Variants in TAGLN observed in about 807,000 individuals in gnomAD.
The protein encoded by TAGLN is transgelin, also known as 22 kDa actin-binding protein.
In TAGLN, 16 loss-of-function variants were observed where a neutral mutation model predicts 21.9. The observed-to-expected ratio is 0.73, with a 90% CI of 0.49 to 1.11. The LOEUF (loss-of-function observed/expected upper bound fraction) is 1.11. Ranked by LOEUF, TAGLN falls within the 50% of genes least tolerant of loss-of-function variation. The pLI is 0.00. For missense variants in TAGLN, 248 were observed against 263.2 expected (o/e 0.94, Z 0.40); for synonymous variants, 96 against 94.9 (o/e 1.01, Z -0.06).
In TAGLN at chr11:117,203,363, G is replaced by A. The variant is rs772948498; in HGVS notation, c.237G>A (p.Val79=). ...LYPDGSKPVK[V]PENPPSMVFK... is the part of the protein sequence containing the mutation. ...CTGATGGCTCCAAGCCGGTGAAGGTGCCCGAGAACCCACCCTCCATGGTCT... is the reference window on the plus strand; with the variant it reads ...CTGATGGCTCCAAGCCGGTGAAGGTACCCGAGAACCCACCCTCCATGGTCT... Residue 79 remains valine (V), a synonymous_variant, in exon 3 of 5, where the codon GTG becomes GTA. Coordinates refer to ENST00000392951, the MANE Select transcript of TAGLN (RefSeq NM_003186.5). This position sits in a 1 kb window ranked among gnomAD's most constrained non-coding sequence, Gnocchi z 4.4. The A allele has an allele frequency of 9.3e-6, 15 of 1,614,064 alleles. No homozygotes were observed. In the South Asian group the frequency reaches 1.6e-4, roughly 18 times the overall value.
At position 117,204,957 on chromosome 11, in the gene TAGLN, A is replaced by G; in HGVS notation, c.*598A>G. The G allele has an allele frequency of 5.0e-6, 1 of 200,322 alleles. No homozygotes were observed. The highest frequency in any genetic ancestry group is 1.0e-5 in the Non-Finnish European group (1 of 95,364). 12.4% of individuals were successfully genotyped at this position (200,322 alleles called of 1,614,324 possible). A position where few individuals can be genotyped will look rare whatever the true frequency, so the allele number is the denominator to read the frequency against. The stretch of plus-strand genomic sequence containing the variant: ...AGGACAGTCAGATTCTTTCAGAGGA[A>G]ACAGGCCATAGAACAGGAGAGTGAA... On this transcript the variant is annotated 3_prime_UTR_variant, in exon 5 of 5. Coordinates refer to ENST00000392951, the MANE Select transcript of TAGLN (RefSeq NM_003186.5).
rs2031349152 is a variant in TAGLN at position 117,206,014 on chromosome 11, C to A, written c.*1655C>A. 6 of 1,208,916 alleles carry A rather than the reference C, an allele frequency of 5.0e-6. No individual in the cohort carries two copies. The highest frequency in any genetic ancestry group is 5.8e-6 in the Non-Finnish European group (5 of 865,568). 74.9% of individuals were successfully genotyped at this position (1,208,916 alleles called of 1,614,324 possible). On this transcript the variant is annotated 3_prime_UTR_variant, in exon 5 of 5. Coordinates refer to ENST00000392951, the MANE Select transcript of TAGLN (RefSeq NM_003186.5). ...CCCTGAGGTCAGCAGATCTGCTCCT[C>A]CTTCCCGTGCGGTACGTCTAGGTGC...
At chr11:117,202,963 A>G in intron 1 of TAGLN, 39 bp from the exon 2 acceptor site, 1 of 1,510,006 alleles carries the variant, frequency 6.6e-7, no homozygotes. Flanking sequence ...CTGCTCCCTG[A>G]CCCTCTGCCC....
chr11:117,203,889 G>T lies in TAGLN; in HGVS notation c.461+5G>T. ...AGATCCCAACTGGTTTATGAAGTAT[G>T]TGGCCCCCAGGGAGCTTGGGTCTCC... is the stretch of plus-strand genomic sequence containing the variant. On this transcript the variant is annotated splice_donor_5th_base_variant and intron_variant, in intron 4 of 4. Coordinates refer to ENST00000392951, the MANE Select transcript of TAGLN (RefSeq NM_003186.5). This position sits in a 1 kb window ranked among gnomAD's most constrained non-coding sequence, Gnocchi z 4.4. 6.2e-7 allele frequency: 1 copy of T among 1,612,858 alleles called. No individual in the cohort carries two copies.
intron 1 of TAGLN, among the ~76,000 whole-genome samples, chr11:117,200,815 AG>A (rs2031062367): frequency 6.6e-6 from 1 of 152,066 alleles, no homozygotes; most frequent in African/African-American, 2.4e-5. Flanking sequence ...AGCTGGGGGT[AG>A]GGGACACACT....
intron 4 of TAGLN, 53 bp from the exon 5 acceptor site, chr11:117,204,162 G>A: frequency 1.2e-6 from 2 of 1,609,582 alleles, no homozygotes; most frequent in Non-Finnish European, 1.7e-6. Context: ...TCAGAAAACG[G>A]GTGGAAAACA....
rs1376280991 is a variant in TAGLN, at chr11:117,205,752, G to C, written c.*1393G>C. ...GATGGAGGCCAAACCAAAGGGGGGC[G>C]CCAATCCCCTGTCCAACACCTTCTC... On this transcript the variant is annotated 3_prime_UTR_variant, in exon 5 of 5. Transcript: ENST00000392951. The C allele has an allele frequency of 2.5e-6, 1 of 397,360 alleles. No individual in the cohort carries two copies. The highest frequency in any genetic ancestry group is 2.0e-5 in the African/African-American group (1 of 48,920). The allele number at this position is 397,360 out of a possible 1,614,324, so 24.6% of individuals were successfully genotyped here. A position where few individuals can be genotyped will look rare whatever the true frequency, so the allele number is the denominator to read the frequency against.
chr11:117,204,000 C>A lies in TAGLN; in HGVS notation c.461+116C>A. ...AGCCAAGAAAGGATAAAGTGAGGGT[C>A]TGGGATGGGGAATAATGGGTCCTTA... is the stretch of plus-strand genomic sequence containing the variant. On this transcript the variant is annotated intron_variant, in intron 4 of 4. Coordinates refer to ENST00000392951, the MANE Select transcript of TAGLN (RefSeq NM_003186.5). This position sits in a 1 kb window ranked among gnomAD's most constrained non-coding sequence, Gnocchi z 4.4. 9.0e-7 allele frequency: 1 copy of A among 1,111,452 alleles called. No individual in the cohort carries two copies. The highest frequency in any genetic ancestry group is 1.4e-5 in the South Asian group (1 of 70,498). The allele number at this position is 1,111,452 out of a possible 1,614,324, so 68.8% of individuals were successfully genotyped here.
At position 117,204,309 on chromosome 11, in the gene TAGLN, T is replaced by TC. The variant is rs776208243; in HGVS notation, c.559dup (p.Gln187ProfsTer38). 6 of 1,614,200 alleles carry TC rather than the reference T, an allele frequency of 3.7e-6. No individual in the cohort carries two copies. The South Asian group carries it at 6.6e-5, about 18-fold the overall frequency. On this transcript the variant is annotated frameshift_variant, in exon 5 of 5. Coordinates refer to ENST00000392951, the MANE Select transcript of TAGLN (RefSeq NM_003186.5). LOFTEE classifies it high-confidence loss of function. Reference sequence around the variant, plus strand: ...TCAGATGGGCAGCAACAGAGGGGCCTCCCAGGCCGGCATGACAGGCTACGG... The same window carrying TC: ...TCAGATGGGCAGCAACAGAGGGGCCTCCCCAGGCCGGCATGACAGGCTACGG...
chr11:117,203,892 G>A lies in TAGLN; in HGVS notation c.461+8G>A, dbSNP rs773681954. The A allele has an allele frequency of 6.2e-7, 1 of 1,611,996 alleles. No individual in the cohort carries two copies. Among genetic ancestry groups the A allele is most frequent in the Non-Finnish European group, 8.5e-7 (1 of 1,178,156 alleles). On this transcript the variant is annotated splice_region_variant and intron_variant, in intron 4 of 4. Coordinates refer to ENST00000392951, the MANE Select transcript of TAGLN (RefSeq NM_003186.5). This position sits in a 1 kb window ranked among gnomAD's most constrained non-coding sequence, Gnocchi z 4.4. ...TCCCAACTGGTTTATGAAGTATGTG[G>A]CCCCCAGGGAGCTTGGGTCTCCGCA...
Position 117,203,975 on chromosome 11 carries a change from A to G in TAGLN, c.461+91A>G, listed in dbSNP as rs897422799. 17 of 1,242,548 alleles carry G rather than the reference A, an allele frequency of 1.4e-5. No homozygotes were observed. The African/African-American group carries it at 2.5e-4, about 19-fold the overall frequency. 77.0% of individuals were successfully genotyped at this position (1,242,548 alleles called of 1,614,324 possible). ...GCGGGAAGGATTAGGGGAAGCAGAT[A>G]GCCAAGAAAGGATAAAGTGAGGGTC... On this transcript the variant is annotated intron_variant, in intron 4 of 4. Coordinates refer to ENST00000392951, the MANE Select transcript of TAGLN (RefSeq NM_003186.5). The surrounding 1 kb of genome is among the most constrained non-coding windows in gnomAD (Gnocchi z 4.4).
rs113278237 is a variant in TAGLN at position 117,204,109 on chromosome 11, C to A, written c.462-106C>A. On this transcript the variant is annotated intron_variant, in intron 4 of 4. Transcript: ENST00000392951. Reference sequence around the variant, plus strand: ...CAAGCTAGATTAGGGAAAAAAAGTGCAACAGGAAGGCAATGGGATTGGGCT... The same window carrying A: ...CAAGCTAGATTAGGGAAAAAAAGTGAAACAGGAAGGCAATGGGATTGGGCT... 4,268 of 1,525,032 alleles carry A rather than the reference C, an allele frequency of 2.8e-3. 93 individuals are homozygous for A. The African/African-American group carries it at 0.051, about 18-fold the overall frequency. 94.5% of individuals were successfully genotyped at this position (1,525,032 alleles called of 1,614,324 possible).
chr11:117,199,595 G>C (rs1208696106), intron 1 of TAGLN, 163 bp downstream of exon 1: 2 of 152,314 alleles, frequency 1.3e-5, no homozygotes, highest in Non-Finnish European at 2.9e-5. Flanking sequence ...GCTCCAGGCA[G>C]GGTGGGCTGG....
In TAGLN at chr11:117,207,158, C is replaced by CCCCTTGCTG; in HGVS notation, c.*2803_*2804insTGCTGCCCT. 1 of 1,241,440 alleles carries CCCCTTGCTG rather than the reference C, an allele frequency of 8.1e-7. No homozygotes were observed. The highest frequency in any genetic ancestry group is 1.2e-6 in the Non-Finnish European group (1 of 858,786). The allele number at this position is 1,241,440 out of a possible 1,614,324, so 76.9% of individuals were successfully genotyped here. The stretch of plus-strand genomic sequence containing the variant: ...AGGATGCCGACCTGGAATGACTCAT[C>CCCCTTGCTG]CCCTAGGGCAGCAAGGGGCAGCTCG... On this transcript the variant is annotated 3_prime_UTR_variant, in exon 5 of 5. Coordinates refer to ENST00000392951, the MANE Select transcript of TAGLN (RefSeq NM_003186.5).
chr11:117,199,509 T>G (rs2030996077), intron 1 of TAGLN, 77 bp downstream of exon 1: 1 of 152,174 alleles, frequency 6.6e-6, no homozygotes, highest in Admixed American at 6.5e-5. Flanking sequence ...TCAGGCAGGC[T>G]CTCCTGAGGT....
intron 1 of TAGLN, chr11:117,199,831 TGAG>T (rs3833897): frequency 0.62 from 94,226 of 151,726 alleles, 31,264 homozygotes; most frequent in Non-Finnish European, 0.76. Context: ...TCCAAGGAGG[TGAG>T]GAGTGTGTGA....
At position 117,203,732 on chromosome 11, in the gene TAGLN, CTTG is replaced by C. The variant is rs2031205616; in HGVS notation, c.359-47_359-45del. On this transcript the variant is annotated intron_variant, in intron 3 of 4. Transcript: ENST00000392951. The surrounding 1 kb of genome is among the most constrained non-coding windows in gnomAD (Gnocchi z 4.4). ...ACGGGGGCAGGCCCTGGCTTGGAGT[CTTG>C]TTTATACGTTCTTGATGTTCATCTC... 6.4e-7 allele frequency: 1 copy of C among 1,573,954 alleles called. No homozygotes were observed. Among genetic ancestry groups the C allele is most frequent in the African/African-American group, 1.4e-5 (1 of 73,974 alleles).
At chr11:117,202,247 T>C (rs634960) in intron 1 of TAGLN, 56,714 of 152,202 alleles carry the variant, frequency 0.37, 12,445 homozygotes, top group East Asian at 0.62. Context: ...GTCTCTGATT[T>C]CTCTGAGGAA....
chr11:117,203,331 C>CTG lies in TAGLN; in HGVS notation c.207_208dup (p.Tyr70CysfsTer9). The CTG allele has an allele frequency of 6.2e-7, 1 of 1,614,204 alleles. No individual in the cohort carries two copies. On this transcript the variant is annotated frameshift_variant, in exon 3 of 5. Coordinates refer to ENST00000392951, the MANE Select transcript of TAGLN (RefSeq NM_003186.5). LOFTEE classifies it high-confidence loss of function. This position sits in a 1 kb window ranked among gnomAD's most constrained non-coding sequence, Gnocchi z 4.4. ...GATTCTGAGCAAGCTGGTGAACAGC[C>CTG]TGTACCCTGATGGCTCCAAGCCGGT...
Sources: allele counts gnomAD v4.1 joint callset (sites outside exome capture counted in the v4.1 genomes callset), GRCh38; gene constraint gnomAD v4.1.1; non-coding constraint Gnocchi (gnomAD v3.1); transcripts MANE v1.5; gene names NCBI Gene and HGNC (gene_info 2026-07-23, HGNC 2026-07-21).